The following ARHGAP26 variants were observed in gnomAD, a reference collection of about 807,000 sequenced individuals.
ARHGAP26 encodes rho GTPase-activating protein 26.
A neutral mutation model predicts 104.8 loss-of-function variants in ARHGAP26; 38 were observed. That is an observed-to-expected ratio of 0.36 (90% confidence interval 0.28 to 0.48). ARHGAP26 has a LOEUF of 0.48. Among genes scored for constraint, ARHGAP26 ranks in the 20% least tolerant of loss-of-function variants. The probability of loss-of-function intolerance (pLI) is 0.99; values close to 1 mark genes in which losing one functional copy is unlikely to be tolerated. For missense variants in ARHGAP26, 704 were observed against 947.9 expected, an observed-to-expected ratio of 0.74 and a Z score of 3.38; for synonymous variants, 341 against 340.0, an observed-to-expected ratio of 1.00 and a Z score of -0.03.
At chr5:142,806,035 A>C (rs1762924173) in intron 1 of ARHGAP26, among the ~76,000 whole-genome samples, 1 of 152,236 alleles carries the variant, frequency 6.6e-6, no homozygotes, top group Admixed American at 6.5e-5. Flanking sequence ...TATATAATGC[A>C]AAGGTGTGTG....
intron 3 of ARHGAP26, 138 bp from the exon 4 acceptor site, chr5:142,879,236 A>T: frequency 1.3e-6 from 1 of 777,134 alleles, no homozygotes. Context: ...CGAAGGTTGT[A>T]AACAGTTGAC....
Position 142,919,557 on chromosome 5 carries a change from T to C in ARHGAP26, c.1028+6264T>C, listed in dbSNP as rs1598241927. 2.8e-5 allele frequency: 11 copies of C among 397,334 alleles called. No individual in the cohort carries two copies. The East Asian group carries it at 3.9e-4, about 14-fold the overall frequency. 24.6% of individuals were successfully genotyped at this position (397,334 alleles called of 1,614,324 possible). Reference sequence around the variant, plus strand: ...ATGCACCCAGCAGCCTTTAAATGGATAACTCAACACCTACTGCTTGAACAA... The same window carrying C: ...ATGCACCCAGCAGCCTTTAAATGGACAACTCAACACCTACTGCTTGAACAA... On this transcript the variant is annotated intron_variant, in intron 10 of 22. Coordinates refer to ENST00000645722, the MANE Select transcript of ARHGAP26 (RefSeq NM_001135608.3).
At chr5:142,804,275 A>G (rs1165457104) in intron 1 of ARHGAP26, among the ~76,000 whole-genome samples, 1 of 152,212 alleles carries the variant, frequency 6.6e-6, no homozygotes, top group East Asian at 1.9e-4. Flanking sequence ...ATATATTACA[A>G]ATAACTTGCT....
intron 1 of ARHGAP26, among the ~76,000 whole-genome samples, chr5:142,772,319 T>G (rs535771221): frequency 1.3e-5 from 2 of 152,218 alleles, no homozygotes; most frequent in Non-Finnish European, 2.9e-5. Flanking sequence ...CTGAAACATA[T>G]GAACAGACCC....
intron 5 of ARHGAP26, among the ~76,000 whole-genome samples, chr5:142,890,593 G>A (rs552741944): frequency 2.0e-5 from 3 of 152,116 alleles, no homozygotes; most frequent in South Asian, 4.2e-4. Context: ...AGTGGATTGG[G>A]GCAGAGGGAG....
At position 143,222,526 on chromosome 5, in the gene ARHGAP26, T is replaced by G; in HGVS notation, c.*80T>G. On this transcript the variant is annotated 3_prime_UTR_variant, in exon 23 of 23. Coordinates refer to ENST00000645722, the MANE Select transcript of ARHGAP26 (RefSeq NM_001135608.3). Reference sequence around the variant, plus strand: ...ATTCCAGTGTCGAGGCCATTTCTCTTTGCCACTGAGAAATGCAGCGTGACT... The same window carrying G: ...ATTCCAGTGTCGAGGCCATTTCTCTGTGCCACTGAGAAATGCAGCGTGACT... The G allele has an allele frequency of 8.5e-7, 1 of 1,181,052 alleles. No individual in the cohort carries two copies. Among genetic ancestry groups the G allele is most frequent in the Non-Finnish European group, 1.2e-6 (1 of 851,976 alleles). The allele number at this position is 1,181,052 out of a possible 1,614,324, so 73.2% of individuals were successfully genotyped here.
intron 9 of ARHGAP26, among the ~76,000 whole-genome samples, chr5:142,908,233 A>T (rs1761380850): frequency 6.6e-6 from 1 of 152,220 alleles, no homozygotes; most frequent in African/African-American, 2.4e-5. Context: ...AGCAACATTT[A>T]AAACAACAGC....
chr5:143,118,071 A>G (rs1045787413), intron 17 of ARHGAP26, among the ~76,000 whole-genome samples: 7 of 152,176 alleles, frequency 4.6e-5, no homozygotes, highest in Non-Finnish European at 8.8e-5. Flanking sequence ...GGTATAGAGG[A>G]TTGGAGAAAG....
At chr5:142,830,276 C>T (rs1768137141) in intron 1 of ARHGAP26, among the ~76,000 whole-genome samples, 1 of 152,130 alleles carries the variant, frequency 6.6e-6, no homozygotes, top group African/African-American at 2.4e-5. Context: ...TAGCTCATTA[C>T]TATCAAGTAT....
intron 11 of ARHGAP26, chr5:142,969,385 G>A (rs1771902347): frequency 6.6e-6 from 1 of 152,238 alleles, no homozygotes; most frequent in Non-Finnish European, 1.5e-5. Flanking sequence ...TGAAGATGAA[G>A]CTGTTTTCTC....
intron 13 of ARHGAP26, 154 bp from the exon 14 acceptor site, chr5:143,041,662 G>C (rs1783479562): frequency 1.6e-6 from 1 of 621,824 alleles, no homozygotes; most frequent in Admixed American, 2.8e-5. Context: ...CGTTTGCTAA[G>C]AGCTGAGCTG....
In ARHGAP26 at chr5:143,223,925, A is replaced by G. The variant is rs1811456728; in HGVS notation, c.*1479A>G. On this transcript the variant is annotated 3_prime_UTR_variant, in exon 23 of 23. Transcript: ENST00000645722. ...CAACAGAGTTATCCGTATCTTCCAC[A>G]TGTGAATGTCATTGCAAGGGTGACT... is the stretch of plus-strand genomic sequence containing the variant. 4.3e-6 allele frequency: 1 copy of G among 231,654 alleles called. No individual in the cohort carries two copies. The highest frequency in any genetic ancestry group is 8.6e-6 in the Non-Finnish European group (1 of 116,862). 14.3% of individuals were successfully genotyped at this position (231,654 alleles called of 1,614,324 possible). A position where few individuals can be genotyped will look rare whatever the true frequency, so the allele number is the denominator to read the frequency against.
chr5:142,933,747 G>A (rs1765045229), intron 11 of ARHGAP26, among the ~76,000 whole-genome samples: 1 of 152,168 alleles, frequency 6.6e-6, no homozygotes, highest in South Asian at 2.1e-4. Context: ...GCTGTACATA[G>A]GCAGTCATGG....
chr5:142,832,232 G>C (rs1350293128), intron 1 of ARHGAP26, among the ~76,000 whole-genome samples: 2 of 152,194 alleles, frequency 1.3e-5, no homozygotes, highest in African/African-American at 4.8e-5. Context: ...GCCAAAATTT[G>C]TATGTTGAAG....
chr5:142,775,908 A>AT (rs1204799891), intron 1 of ARHGAP26, among the ~76,000 whole-genome samples: 22 of 152,044 alleles, frequency 1.4e-4, no homozygotes, highest in African/African-American at 5.3e-4. Flanking sequence ...ATAAAAATGT[A>AT]TTTTTTTCTT....
intron 11 of ARHGAP26, among the ~76,000 whole-genome samples, chr5:142,966,691 T>C (rs1341941936): frequency 6.6e-6 from 1 of 152,250 alleles, no homozygotes; most frequent in African/African-American, 2.4e-5. Context: ...AAAGATTCTA[T>C]ACAGGAAAAT....
At chr5:143,162,147 G>A (rs578047074) in intron 20 of ARHGAP26, among the ~76,000 whole-genome samples, 54 of 152,080 alleles carry the variant, frequency 3.6e-4, no homozygotes, top group African/African-American at 1.1e-3. Flanking sequence ...GCTCTGTCTC[G>A]GGGGAAGCCT....
At chr5:143,215,073 C>A (rs1599555343) in intron 22 of ARHGAP26, among the ~76,000 whole-genome samples, 1 of 152,366 alleles carries the variant, frequency 6.6e-6, no homozygotes, top group Non-Finnish European at 1.5e-5. Context: ...TGAGTGTCCC[C>A]CACACAGGCC....
At position 142,858,061 on chromosome 5, in the gene ARHGAP26, C is replaced by CTGTGTGTGTGTGTGTGTG. The variant is rs746146391; in HGVS notation, c.155-15322_155-15305dup. The stretch of plus-strand genomic sequence containing the variant: ...AAGGAATGAGAGAGAGAGAGAGAAT[C>CTGTGTGTGTGTGTGTGTG]TGTGTGTGTGTGTGTGTGTGTGTGT... On this transcript the variant is annotated intron_variant, in intron 1 of 22. Coordinates refer to ENST00000645722, the MANE Select transcript of ARHGAP26 (RefSeq NM_001135608.3). Among the ~76,000 whole-genome samples the CTGTGTGTGTGTGTGTGTG allele has an allele frequency of 4.2e-3, 570 of 134,382 alleles. 3 individuals carry two copies. The highest frequency in any genetic ancestry group is 9.1e-3 in the Admixed American group (124 of 13,626). 88.2% of individuals were successfully genotyped at this position (134,382 alleles called of 152,430 possible).
Sources: gnomAD v4.1 joint callset for allele counts (sites outside exome capture counted in the v4.1 genomes callset) on GRCh38, gnomAD v4.1.1 for gene constraint, MANE v1.5 for transcripts, NCBI Gene and HGNC (gene_info 2026-07-23, HGNC 2026-07-21) for gene names.